The following DENND1B variants were observed in gnomAD, a reference collection of about 807,000 sequenced individuals.
The protein encoded by DENND1B is DENN domain containing 1B, also known as DENN domain-containing protein 1B.
In DENND1B, 59 loss-of-function variants were observed where a neutral mutation model predicts 90.1. The ratio of observed to expected loss-of-function variants is 0.65; its 90% CI spans 0.53 to 0.81. The LOEUF (loss-of-function observed/expected upper bound fraction) is 0.81, where lower values mean the gene tolerates loss of function less well. DENND1B is among the 40% of genes least tolerant of loss of function. The probability of loss-of-function intolerance (pLI) is 0.00; values close to 1 mark genes in which losing one functional copy is unlikely to be tolerated. For missense variants in DENND1B, 862 were observed against 912.6 expected, an observed-to-expected ratio of 0.94 and a Z score of 0.71; for synonymous variants, 337 against 324.6, an observed-to-expected ratio of 1.04 and a Z score of -0.41.
At chr1:197,746,001 A>G (rs1663708283) in intron 2 of DENND1B, among the ~76,000 whole-genome samples, 1 of 152,212 alleles carries the variant, frequency 6.6e-6, no homozygotes, top group South Asian at 2.1e-4. Flanking sequence ...AGACAGTGTC[A>G]ATTGAAACTT....
At chr1:197,560,198 A>G (rs895414720) in intron 15 of DENND1B, among the ~76,000 whole-genome samples, 1 of 151,944 alleles carries the variant, frequency 6.6e-6, no homozygotes, top group Admixed American at 6.6e-5. Context: ...GCTGAACCTT[A>G]TGATCACCAG....
chr1:197,688,394 G>C (rs1232396181), intron 3 of DENND1B, among the ~76,000 whole-genome samples: 6 of 152,092 alleles, frequency 3.9e-5, no homozygotes, highest in Non-Finnish European at 8.8e-5. Context: ...CAAAGGTGGA[G>C]GCTTCATATT....
chr1:197,771,202 G>T (rs1008625076), intron 2 of DENND1B, among the ~76,000 whole-genome samples: 2 of 152,082 alleles, frequency 1.3e-5, no homozygotes, highest in African/African-American at 2.4e-5. Context: ...GTGAGCCACC[G>T]TGCCACGCCT....
Position 197,545,569 on chromosome 1 carries a change from T to TC in DENND1B, c.1350+352_1350+353insG, listed in dbSNP as rs1670749416. On this transcript the variant is annotated intron_variant, in intron 18 of 22. Coordinates refer to ENST00000620048, the MANE Select transcript of DENND1B (RefSeq NM_001195215.2). ...AAAGACCTCGCTATATTTTTCTTTTTTTTTTTCTACTTGAGCCGCAAGTAC... is the reference window on the plus strand; with the variant it reads ...AAAGACCTCGCTATATTTTTCTTTTTCTTTTTTCTACTTGAGCCGCAAGTAC... The TC allele has an allele frequency of 1.5e-5, 3 of 200,526 alleles. No homozygotes were observed. In the Admixed American group the frequency reaches 1.8e-4, roughly 12 times the overall value. 12.4% of individuals were successfully genotyped at this position (200,526 alleles called of 1,614,324 possible).
In DENND1B at chr1:197,505,138, A is replaced by G. The variant is rs780003883; in HGVS notation, c.*5322T>C. 4 of 151,780 alleles carry G rather than the reference A, an allele frequency of 2.6e-5. No individual in the cohort carries two copies. The highest frequency in any genetic ancestry group is 5.9e-5 in the Non-Finnish European group (4 of 67,836). The allele number at this position is 151,780 out of a possible 1,614,324, so 9.4% of individuals were successfully genotyped here. The stretch of plus-strand genomic sequence containing the variant: ...TTATGTTGTAGGACTCAGGCAGTTC[A>G]TATTAGTTGCTGTTTTAGGCACTGC... On this transcript the variant is annotated 3_prime_UTR_variant, in exon 23 of 23. Coordinates refer to ENST00000620048, the MANE Select transcript of DENND1B (RefSeq NM_001195215.2).
intron 2 of DENND1B, among the ~76,000 whole-genome samples, chr1:197,719,522 T>C (rs1660962608): frequency 6.6e-6 from 1 of 152,220 alleles, no homozygotes; most frequent in African/African-American, 2.4e-5. Flanking sequence ...TATTTTTCTA[T>C]GTAGTAGGTA....
At position 197,507,787 on chromosome 1, in the gene DENND1B, C is replaced by G. The variant is rs1667796251; in HGVS notation, c.*2673G>C. ...AGTTTAATTTCATTCTCACTATAACCACCATAATACTAGGAAGTCTAAGTT... is the reference window on the plus strand; with the variant it reads ...AGTTTAATTTCATTCTCACTATAACGACCATAATACTAGGAAGTCTAAGTT... On this transcript the variant is annotated 3_prime_UTR_variant, in exon 23 of 23. Coordinates refer to ENST00000620048, the MANE Select transcript of DENND1B (RefSeq NM_001195215.2). The G allele has an allele frequency of 6.6e-6, 1 of 151,660 alleles. No homozygotes were observed. The highest frequency in any genetic ancestry group is 2.1e-4 in the South Asian group (1 of 4,822). 9.4% of individuals were successfully genotyped at this position (151,660 alleles called of 1,614,324 possible). A position where few individuals can be genotyped will look rare whatever the true frequency, so the allele number is the denominator to read the frequency against.
chr1:197,596,662 C>G (rs1415141755), intron 13 of DENND1B, among the ~76,000 whole-genome samples: 1 of 151,688 alleles, frequency 6.6e-6, no homozygotes, highest in African/African-American at 2.4e-5. Flanking sequence ...ACACACAACA[C>G]ATGCACACAT....
intron 5 of DENND1B, among the ~76,000 whole-genome samples, chr1:197,661,974 AAC>A (rs915997851): frequency 2.0e-5 from 3 of 152,062 alleles, no homozygotes; most frequent in African/African-American, 4.8e-5. Flanking sequence ...TAAAAATTTA[AAC>A]AGTTTTTATT....
At chr1:197,707,906 C>T (rs1468762136) in intron 3 of DENND1B, among the ~76,000 whole-genome samples, 2 of 151,040 alleles carry the variant, frequency 1.3e-5, no homozygotes, top group East Asian at 3.9e-4. Flanking sequence ...CGAGGCATTG[C>T]CTCACCTGGG....
Position 197,728,083 on chromosome 1 carries a change from A to T in DENND1B, c.83-13009T>A, listed in dbSNP as rs118069946. Among the ~76,000 whole-genome samples the T allele has an allele frequency of 6.8e-4, 103 of 152,284 alleles. No individual in the cohort carries two copies. The East Asian group carries it at 0.02, about 29-fold the overall frequency. ...CACAAATTATTTCCTATATATCTAC[A>T]TAGCAGTTCTCAACCCTTTCTGTTC... On this transcript the variant is annotated intron_variant, in intron 2 of 22. Transcript: ENST00000620048.
At chr1:197,754,572 C>T (rs2102425890) in intron 2 of DENND1B, among the ~76,000 whole-genome samples, 1 of 143,994 alleles carries the variant, frequency 6.9e-6, no homozygotes, top group East Asian at 2.1e-4. Context: ...GAATGAGAAC[C>T]ACTTGAACCC....
At chr1:197,727,288 C>T (rs762229752) in intron 2 of DENND1B, among the ~76,000 whole-genome samples, 1 of 152,136 alleles carries the variant, frequency 6.6e-6, no homozygotes, top group African/African-American at 2.4e-5. Context: ...GTAATCCCAG[C>T]ACTTTGGGAG....
At chr1:197,634,599 A>G (rs1434730868) in intron 10 of DENND1B, among the ~76,000 whole-genome samples, 1 of 152,216 alleles carries the variant, frequency 6.6e-6, no homozygotes, top group African/African-American at 2.4e-5. Context: ...ATTTTTCCCT[A>G]AGGCATTACT....
intron 8 of DENND1B, 116 bp downstream of exon 8, chr1:197,646,939 G>C: frequency 1.5e-6 from 1 of 674,658 alleles, no homozygotes; most frequent in Non-Finnish European, 2.4e-6. Flanking sequence ...ATTTTCTTAA[G>C]AGTCAAATTC....
intron 3 of DENND1B, among the ~76,000 whole-genome samples, chr1:197,679,279 G>A (rs571353228): frequency 6.7e-6 from 1 of 149,848 alleles, no homozygotes; most frequent in East Asian, 1.9e-4. Flanking sequence ...AAGCAGTGCA[G>A]AGTGACATTA....
intron 3 of DENND1B, among the ~76,000 whole-genome samples, chr1:197,674,558 T>C (rs1185908836): frequency 2.0e-5 from 3 of 151,626 alleles, no homozygotes; most frequent in Admixed American, 6.6e-5. Context: ...GGCTCAAAAA[T>C]ATAAATGTTG....
rs541149998 is a variant in DENND1B at position 197,559,639 on chromosome 1, G to A, written c.1150-6527C>T. Among the ~76,000 whole-genome samples the A allele has an allele frequency of 6.6e-5, 10 of 151,964 alleles. No homozygotes were observed. The South Asian group carries it at 1.7e-3, about 25-fold the overall frequency. ...AGCAATTTAAGGAAAAATAAATACA[G>A]TAAAAAATTGCTTTCAAAAATAAAC... On this transcript the variant is annotated intron_variant, in intron 15 of 22. Transcript: ENST00000620048.
At chr1:197,718,864 G>C (rs1490378787) in intron 2 of DENND1B, among the ~76,000 whole-genome samples, 1 of 152,088 alleles carries the variant, frequency 6.6e-6, no homozygotes, top group Admixed American at 6.6e-5. Context: ...AATGTCTAGA[G>C]ATAAAGCTGG....
Sources: gnomAD v4.1 joint callset for allele counts (sites outside exome capture counted in the v4.1 genomes callset) on GRCh38, gnomAD v4.1.1 for gene constraint, MANE v1.5 for transcripts, NCBI Gene and HGNC (gene_info 2026-07-23, HGNC 2026-07-21) for gene names.